Variants in ARHGEF18 observed in about 807,000 individuals in gnomAD.
ARHGEF18 encodes the protein Rho/Rac guanine nucleotide exchange factor 18.
A neutral mutation model predicts 155.7 loss-of-function variants in ARHGEF18; 93 were observed. The observed-to-expected ratio is 0.60, with a 90% CI of 0.50 to 0.71. The LOEUF (loss-of-function observed/expected upper bound fraction) is 0.71, where lower values mean the gene tolerates loss of function less well. Among genes scored for constraint, ARHGEF18 ranks in the 30% least tolerant of loss-of-function variants. ARHGEF18 has a pLI of 0.00. For synonymous variants in ARHGEF18, 742 were observed against 753.1 expected, an observed-to-expected ratio of 0.99 and a Z score of 0.24; for missense variants, 1,593 against 1,816.1, an observed-to-expected ratio of 0.88 and a Z score of 2.23.
intron 18 of ARHGEF18, among the ~76,000 whole-genome samples, chr19:7,457,156 A>C (rs1377141272): frequency 6.6e-6 from 1 of 152,070 alleles, no homozygotes; most frequent in East Asian, 1.9e-4. Context: ...TGAAAGTCCA[A>C]GATGAAGGTA....
chr19:7,364,586 C>T (rs1411578253), intron 2 of ARHGEF18, among the ~76,000 whole-genome samples: 2 of 152,146 alleles, frequency 1.3e-5, no homozygotes, highest in Non-Finnish European at 2.9e-5. Flanking sequence ...AGCCCCCAGG[C>T]TCCAGTCTCA....
intron 10 of ARHGEF18, among the ~76,000 whole-genome samples, chr19:7,416,530 CGTGTGTGTGTGTGTGTGTGTGTGT>C (rs71179108): frequency 1.2e-4 from 13 of 105,910 alleles, no homozygotes; most frequent in South Asian, 3.9e-4. Context: ...GGAGAAAATT[CGTGTGTGTGTGTGTGTGTGTGTGT>C]GTGTGTGTGT....
intron 10 of ARHGEF18, among the ~76,000 whole-genome samples, chr19:7,434,499 G>A (rs923058591): frequency 1.3e-5 from 2 of 152,122 alleles, no homozygotes; most frequent in Admixed American, 6.6e-5. Context: ...TGGCCACAGC[G>A]GGCCAGGTGC....
chr19:7,464,771 C>A, intron 23 of ARHGEF18, 81 bp downstream of exon 23: 1 of 1,560,952 alleles, frequency 6.4e-7, no homozygotes, highest in Non-Finnish European at 8.7e-7. Context: ...CTGGGGTTGT[C>A]CAGTTTTAGT....
intron 18 of ARHGEF18, among the ~76,000 whole-genome samples, chr19:7,458,279 C>T (rs111337650): frequency 0.022 from 3,139 of 139,950 alleles, 60 homozygotes; most frequent in South Asian, 0.072. Context: ...AGAGCAAGAC[C>T]TGGCCTCCAA....
chr19:7,458,297 TAAAAAAAAAAA>T (rs35712455), intron 18 of ARHGEF18, among the ~76,000 whole-genome samples: 4 of 92,326 alleles, frequency 4.3e-5, no homozygotes, highest in African/African-American at 9.2e-5. Flanking sequence ...CAAGATAGTT[TAAAAAAAAAAA>T]AAAAAAAAAA....
Position 7,444,301 on chromosome 19 carries a change from G to A in ARHGEF18, c.1458G>A (p.Lys486=). ...ALQEELQFSS[K]AIGRLFPCAD... ...AGGAGGAGCTGCAGTTCAGCAGCAA[G>A]GCCATTGGCCGCCTCTTCCCATGCG... The change falls in exon 14 of 29, where the codon AAG becomes AAA. Residue 486 remains lysine, a synonymous_variant. Coordinates refer to ENST00000668164, the MANE Select transcript of ARHGEF18 (RefSeq NM_001367823.1). The surrounding 1 kb of genome is among the most constrained non-coding windows in gnomAD (Gnocchi z 4.7). 1.9e-6 allele frequency: 3 copies of A among 1,613,716 alleles called. No individual in the cohort carries two copies. Among genetic ancestry groups the A allele is most frequent in the African/African-American group, 1.3e-5 (1 of 75,080 alleles).
At chr19:7,350,725 C>T (rs1002438501) in intron 1 of ARHGEF18, among the ~76,000 whole-genome samples, 2 of 149,904 alleles carry the variant, frequency 1.3e-5, no homozygotes, top group African/African-American at 4.9e-5. Flanking sequence ...TCTGAGCTTT[C>T]GTTTGCTCAT....
chr19:7,380,348 A>G lies in ARHGEF18; in HGVS notation c.645-569A>G, dbSNP rs144662529. 8.8e-3 allele frequency among the ~76,000 whole-genome samples: 1,331 copies of G among 151,900 alleles called. 17 individuals carry two copies. The highest frequency in any genetic ancestry group is 0.028 in the African/African-American group (1,159 of 41,440). On this transcript the variant is annotated intron_variant, in intron 7 of 28. Coordinates refer to ENST00000668164, the MANE Select transcript of ARHGEF18 (RefSeq NM_001367823.1). ...CAAAAAATTAGCTGGGCATGGTGGC[A>G]GGCGCCTGTAGTCCCAGCTACTCAG...
Position 7,395,183 on chromosome 19 carries a change from T to TCGGAGGCGGCTGCGAGAGTGG in ARHGEF18, c.967+11982_967+12002dup. On this transcript the variant is annotated intron_variant, in intron 10 of 28. Coordinates refer to ENST00000668164, the MANE Select transcript of ARHGEF18 (RefSeq NM_001367823.1). The surrounding 1 kb of genome is among the most constrained non-coding windows in gnomAD (Gnocchi z 5.0). ...GATCTGGGGGGGCCGGACGGAGGCA[T>TCGGAGGCGGCTGCGAGAGTGG]CGGAGGCGGCTGCGAGAGTGGCAGA... The TCGGAGGCGGCTGCGAGAGTGG allele has an allele frequency of 1.0e-6, 1 of 986,180 alleles. No homozygotes were observed. The highest frequency in any genetic ancestry group is 1.2e-6 in the Non-Finnish European group (1 of 830,578). 61.1% of individuals were successfully genotyped at this position (986,180 alleles called of 1,614,324 possible).
At chr19:7,378,281 A>G in intron 5 of ARHGEF18, 113 bp from the exon 6 acceptor site, 2 of 719,164 alleles carry the variant, frequency 2.8e-6, no homozygotes, top group Non-Finnish European at 3.9e-6. Context: ...CCCTGTCTGC[A>G]TGGCCTCCAG....
chr19:7,453,391 C>T (rs1246156374), intron 16 of ARHGEF18, 76 bp from the exon 17 acceptor site: 2 of 1,504,932 alleles, frequency 1.3e-6, no homozygotes, highest in African/African-American at 2.8e-5. Context: ...ATCCACATGT[C>T]CATACATAGT....
At chr19:7,467,718 G>A in intron 26 of ARHGEF18, 34 bp downstream of exon 26, 1 of 1,434,654 alleles carries the variant, frequency 7.0e-7, no homozygotes, top group South Asian at 1.4e-5. Context: ...CGCAGGTTGG[G>A]GGTGACCGGT....
chr19:7,382,584 C>T lies in ARHGEF18; in HGVS notation c.723-208C>T, dbSNP rs74255773. ...CTCTGTAAACCCAGTCCCCAAAGCT[C>T]TTGCAAACATTCATTCATGTCTGCT... On this transcript the variant is annotated intron_variant, in intron 8 of 28. Coordinates refer to ENST00000668164, the MANE Select transcript of ARHGEF18 (RefSeq NM_001367823.1). Among the ~76,000 whole-genome samples the T allele has an allele frequency of 2.1e-3, 320 of 152,186 alleles. 5 individuals are homozygous for T. The South Asian group carries it at 0.026, about 12-fold the overall frequency.
In ARHGEF18 at chr19:7,472,168, C is replaced by T. The variant is rs1600568974; in HGVS notation, c.*1870C>T. On this transcript the variant is annotated 3_prime_UTR_variant, in exon 29 of 29. Coordinates refer to ENST00000668164, the MANE Select transcript of ARHGEF18 (RefSeq NM_001367823.1). ...TTTCTGCTCGGCCACGCGGTGGGAA[C>T]CCCGCGTCCCCGCCATGTGGCAGAG... 6.6e-6 allele frequency: 1 copy of T among 152,294 alleles called. No individual in the cohort carries two copies. Among genetic ancestry groups the T allele is most frequent in the African/African-American group, 2.4e-5 (1 of 41,472 alleles). The allele number at this position is 152,294 out of a possible 1,614,324, so 9.4% of individuals were successfully genotyped here. A position where few individuals can be genotyped will look rare whatever the true frequency, so the allele number is the denominator to read the frequency against.
At chr19:7,358,690 C>T (rs10421809) in intron 1 of ARHGEF18, among the ~76,000 whole-genome samples, 140,566 of 152,268 alleles carry the variant, frequency 0.92, 65,015 homozygotes, top group East Asian at 0.97. Flanking sequence ...AATTCAGAAA[C>T]ATCTGAATTT....
At chr19:7,367,885 T>TTTA (rs1224176621) in intron 2 of ARHGEF18, among the ~76,000 whole-genome samples, 180 of 16,068 alleles carry the variant, frequency 0.011, 35 homozygotes, top group African/African-American at 0.044. Context: ...TATATATATT[T>TTTA]TATATATATT....
rs969369478 is a variant in ARHGEF18 at position 7,444,433 on chromosome 19, C to T, written c.1590C>T (p.Ile530=). Residue 530 remains isoleucine, a synonymous_variant, in exon 14 of 29, where the codon ATC becomes ATT. Transcript: ENST00000668164. The surrounding 1 kb of genome is among the most constrained non-coding windows in gnomAD (Gnocchi z 4.7). ...GSDRNYVIQK[I]GDLLVQQFSG... ...ACCGGAATTATGTCATCCAGAAAAT[C>T]GGCGACCTCCTGGTTCAGCAGGTGG... 16 of 1,613,466 alleles carry T rather than the reference C, an allele frequency of 9.9e-6. No homozygotes were observed. The highest frequency in any genetic ancestry group is 1.6e-4 in the Middle Eastern group (1 of 6,084).
At chr19:7,403,793 A>G (rs557948754) in intron 10 of ARHGEF18, among the ~76,000 whole-genome samples, 51 of 151,790 alleles carry the variant, frequency 3.4e-4, no homozygotes, top group African/African-American at 9.9e-4. Flanking sequence ...TGCTGGGCTC[A>G]ATGACTCACA....
Sources: allele counts gnomAD v4.1 joint callset (sites outside exome capture counted in the v4.1 genomes callset), GRCh38; gene constraint gnomAD v4.1.1; non-coding constraint Gnocchi (gnomAD v3.1); transcripts MANE v1.5; gene names NCBI Gene and HGNC (gene_info 2026-07-23, HGNC 2026-07-21).